Variants in KLF12 observed in about 807,000 individuals in gnomAD.
KLF12 encodes the protein Krueppel-like factor 12.
A neutral mutation model predicts 37.8 loss-of-function variants in KLF12; 9 were observed. The ratio of observed to expected loss-of-function variants is 0.24; its 90% confidence interval spans 0.14 to 0.42. The LOEUF (loss-of-function observed/expected upper bound fraction) is 0.42, where lower values mean the gene tolerates loss of function less well. Ranked by LOEUF, KLF12 falls within the 10% of genes least tolerant of loss-of-function variation. The pLI is 1.00. For synonymous variants in KLF12, 208 were observed against 202.1 expected (o/e 1.03, Z -0.25); for missense variants, 411 against 516.0 (o/e 0.80, Z 1.97).
intron 1 of KLF12, among the ~76,000 whole-genome samples, chr13:74,108,109 T>TA (rs1307176557): frequency 6.6e-6 from 1 of 152,184 alleles, no homozygotes; most frequent in Non-Finnish European, 1.5e-5. Context: ...GTGAATGTAT[T>TA]ATAACTCACA....
chr13:73,852,922 T>C (rs1392877164), intron 3 of KLF12, among the ~76,000 whole-genome samples: 3 of 148,128 alleles, frequency 2.0e-5, no homozygotes, highest in African/African-American at 7.5e-5. Context: ...CAGGCTGGAG[T>C]GCAGTGGCGC....
At chr13:74,054,445 T>C (rs1356625334) in intron 1 of KLF12, among the ~76,000 whole-genome samples, 1 of 152,104 alleles carries the variant, frequency 6.6e-6, no homozygotes, top group Non-Finnish European at 1.5e-5. Context: ...AATTCCCTTG[T>C]AGAGGACCAA....
the KLF12 span, among the ~76,000 whole-genome samples, chr13:74,288,711 G>T: frequency 1.3e-4 from 20 of 152,180 alleles, no homozygotes; most frequent in Non-Finnish European, 2.4e-4. Context: ...GCTAAAAGCC[G>T]CTCTAGACAA....
chr13:73,865,615 A>G (rs1886134725), intron 3 of KLF12, among the ~76,000 whole-genome samples: 1 of 152,188 alleles, frequency 6.6e-6, no homozygotes, highest in Admixed American at 6.5e-5. Context: ...ATCCCAAATT[A>G]CTTAAAACTA....
the KLF12 span, among the ~76,000 whole-genome samples, chr13:74,215,219 C>A: frequency 2.0e-5 from 3 of 151,878 alleles, no homozygotes; most frequent in African/African-American, 7.3e-5. Context: ...TTTTATGCTA[C>A]AAATTTTGTA....
At chr13:73,734,684 G>T (rs1877321561) in intron 6 of KLF12, among the ~76,000 whole-genome samples, 1 of 152,070 alleles carries the variant, frequency 6.6e-6, no homozygotes, top group Non-Finnish European at 1.5e-5. Flanking sequence ...AACATCCACT[G>T]ATATTCTGAA....
At chr13:73,710,517 T>G (rs1385544310) in intron 7 of KLF12, among the ~76,000 whole-genome samples, 2 of 122,568 alleles carry the variant, frequency 1.6e-5, no homozygotes, top group Non-Finnish European at 3.4e-5. Context: ...GTGTGATACT[T>G]GGGTAATTGT....
At chr13:74,065,179 A>G (rs1462471656) in intron 1 of KLF12, among the ~76,000 whole-genome samples, 1 of 148,474 alleles carries the variant, frequency 6.7e-6, no homozygotes, top group Non-Finnish European at 1.5e-5. Context: ...GCATATATGT[A>G]TATTACTCTG....
intron 2 of KLF12, among the ~76,000 whole-genome samples, chr13:73,979,259 G>A (rs769869682): frequency 7.9e-5 from 12 of 152,060 alleles, no homozygotes; most frequent in Non-Finnish European, 1.8e-4. Context: ...GAGGCTACAT[G>A]TGTGTCGGAG....
chr13:73,905,418 A>G (rs1888234493), intron 3 of KLF12, among the ~76,000 whole-genome samples: 1 of 151,046 alleles, frequency 6.6e-6, no homozygotes, highest in Admixed American at 6.6e-5. Flanking sequence ...CTAGGCAAGT[A>G]ATAGTACAAT....
intron 6 of KLF12, among the ~76,000 whole-genome samples, chr13:73,728,756 C>G (rs1403613667): frequency 6.6e-6 from 1 of 152,156 alleles, no homozygotes; most frequent in African/African-American, 2.4e-5. Flanking sequence ...GGGTAAGTCC[C>G]CCTTCTCATG....
chr13:73,850,073 AT>A (rs1203833000), intron 3 of KLF12, among the ~76,000 whole-genome samples: 1 of 152,218 alleles, frequency 6.6e-6, no homozygotes, highest in Non-Finnish European at 1.5e-5. Context: ...ATATTAAATA[AT>A]TGCACAAATA....
chr13:74,047,407 C>A (rs187508029), intron 1 of KLF12, among the ~76,000 whole-genome samples: 82 of 149,538 alleles, frequency 5.5e-4, no homozygotes, highest in African/African-American at 2.0e-3. Context: ...CTGGCTAACA[C>A]GGCGAAACCC....
At chr13:74,129,686 T>C (rs919564915) in intron 1 of KLF12, among the ~76,000 whole-genome samples, 1 of 150,254 alleles carries the variant, frequency 6.7e-6, no homozygotes, top group Non-Finnish European at 1.5e-5. Context: ...TGACTTTAAG[T>C]TGAAAAAAAA....
the KLF12 span, among the ~76,000 whole-genome samples, chr13:74,202,663 A>T: frequency 1.3e-5 from 2 of 151,938 alleles, no homozygotes; most frequent in Non-Finnish European, 2.9e-5. Flanking sequence ...TGTCTGCTCC[A>T]CTCTCCTTTT....
the KLF12 span, among the ~76,000 whole-genome samples, chr13:74,272,603 G>C: frequency 6.6e-6 from 1 of 152,162 alleles, no homozygotes; most frequent in African/African-American, 2.4e-5. Context: ...CCTAGGAGGG[G>C]ACTAGGCCGA....
chr13:73,775,389 T>C (rs1880550097), intron 5 of KLF12, among the ~76,000 whole-genome samples: 1 of 152,196 alleles, frequency 6.6e-6, no homozygotes, highest in Non-Finnish European at 1.5e-5. Context: ...AATAATGCTA[T>C]GGTAAGTTTT....
rs143123769 is a variant in KLF12, at chr13:73,985,053, C to T, written c.33+9937G>A. Among the ~76,000 whole-genome samples the T allele has an allele frequency of 9.1e-4, 138 of 152,350 alleles. 1 individual carries two copies. In the East Asian group the frequency reaches 9.7e-3, roughly 11 times the overall value. Reference sequence around the variant, plus strand: ...ATCCCCCCACCCACCTTCCCCAGTGCGCAGCTTTACTGTTAAGGAAGCCTT... The same window carrying T: ...ATCCCCCCACCCACCTTCCCCAGTGTGCAGCTTTACTGTTAAGGAAGCCTT... On this transcript the variant is annotated intron_variant, in intron 2 of 7. Transcript: ENST00000377669.
chr13:74,299,164 G>A, the KLF12 span, among the ~76,000 whole-genome samples: 17 of 152,180 alleles, frequency 1.1e-4, no homozygotes, highest in Non-Finnish European at 2.5e-4. Flanking sequence ...TCAATAAATA[G>A]CAGCATGTTT....
Sources: gnomAD v4.1 joint callset for allele counts (sites outside exome capture counted in the v4.1 genomes callset) on GRCh38, gnomAD v4.1.1 for gene constraint, MANE v1.5 for transcripts, NCBI Gene and HGNC (gene_info 2026-07-23, HGNC 2026-07-21) for gene names.